The following ROR2 variants were observed in gnomAD, a reference collection of about 807,000 sequenced individuals.
ROR2 encodes tyrosine-protein kinase transmembrane receptor ROR2.
In ROR2, 33 loss-of-function variants were observed where a neutral mutation model predicts 74.9. The ratio of observed to expected loss-of-function variants is 0.44; its 90% confidence interval spans 0.33 to 0.59. ROR2 has a LOEUF of 0.59. Ranked by LOEUF, ROR2 falls within the 20% of genes least tolerant of loss-of-function variation. ROR2 has a pLI of 0.02. For synonymous variants in ROR2, 586 were observed against 558.7 expected (o/e 1.05, Z -0.69); for missense variants, 1,216 against 1,313.8 (o/e 0.93, Z 1.15).
rs74494753 is a variant in ROR2 at position 91,858,101 on chromosome 9, C to T, written c.98-82283G>A. 9.1e-3 allele frequency among the ~76,000 whole-genome samples: 1,393 copies of T among 152,270 alleles called. 25 individuals carry two copies. The highest frequency in any genetic ancestry group is 0.032 in the African/African-American group (1,314 of 41,558). On this transcript the variant is annotated intron_variant, in intron 1 of 8. Coordinates refer to ENST00000375708, the MANE Select transcript of ROR2 (RefSeq NM_004560.4). ...AACAAAGGTTGGCCATGGCCTGCTC[C>T]ACTGAAGCACCTGGGGAACAAAGAC...
intron 2 of ROR2, among the ~76,000 whole-genome samples, chr9:91,761,522 T>G (rs80147245): frequency 0.042 from 6,456 of 152,116 alleles, 285 homozygotes; most frequent in East Asian, 0.16. Flanking sequence ...GGGTTTGAGC[T>G]CCTATGAGAA....
intron 2 of ROR2, among the ~76,000 whole-genome samples, chr9:91,758,009 T>G (rs1343511315): frequency 6.6e-6 from 1 of 152,152 alleles, no homozygotes; most frequent in Admixed American, 6.5e-5. Flanking sequence ...CCAGACCACT[T>G]CAGTGCTGTG....
chr9:91,755,753 T>TA (rs1374740244), intron 4 of ROR2, among the ~76,000 whole-genome samples: 4 of 152,366 alleles, frequency 2.6e-5, no homozygotes, highest in African/African-American at 9.6e-5. Flanking sequence ...CCCAATGTCC[T>TA]AATGAGCCGG....
At chr9:91,844,084 G>A (rs186189008) in intron 1 of ROR2, among the ~76,000 whole-genome samples, 4 of 152,314 alleles carry the variant, frequency 2.6e-5, no homozygotes, top group African/African-American at 7.2e-5. Flanking sequence ...CATCAAACGC[G>A]GAGCTGCACA....
chr9:91,828,574 C>T (rs1373310901), intron 1 of ROR2, among the ~76,000 whole-genome samples: 2 of 152,006 alleles, frequency 1.3e-5, no homozygotes, highest in African/African-American at 4.8e-5. Context: ...ATTAGCTTGG[C>T]GTGGTAGTGC....
chr9:91,909,522 T>G (rs1830900383), intron 1 of ROR2, among the ~76,000 whole-genome samples: 1 of 151,412 alleles, frequency 6.6e-6, no homozygotes, highest in African/African-American at 2.4e-5. Flanking sequence ...AATTTTTTTT[T>G]TTTTTTTTTG....
chr9:91,879,781 C>T (rs1233422988), intron 1 of ROR2, among the ~76,000 whole-genome samples: 1 of 152,030 alleles, frequency 6.6e-6, no homozygotes, highest in African/African-American at 2.4e-5. Flanking sequence ...AACACCTCAT[C>T]GTGTATCTAG....
intron 1 of ROR2, among the ~76,000 whole-genome samples, chr9:91,899,885 T>C (rs1253382973): frequency 6.6e-6 from 1 of 152,032 alleles, no homozygotes; most frequent in Non-Finnish European, 1.5e-5. Context: ...TACACACACA[T>C]ACACATTACA....
intron 2 of ROR2, among the ~76,000 whole-genome samples, chr9:91,774,555 A>C (rs575385641): frequency 6.6e-6 from 1 of 152,296 alleles, no homozygotes; most frequent in South Asian, 2.1e-4. Context: ...CCTGCTCCCC[A>C]AACAGAAAGC....
At chr9:91,749,444 C>T (rs1051762067) in intron 4 of ROR2, among the ~76,000 whole-genome samples, 1 of 152,168 alleles carries the variant, frequency 6.6e-6, no homozygotes, top group Admixed American at 6.5e-5. Flanking sequence ...TGGATCAGGG[C>T]TCCACCCTTA....
chr9:91,836,731 T>C (rs949978385), intron 1 of ROR2, among the ~76,000 whole-genome samples: 8 of 152,214 alleles, frequency 5.3e-5, no homozygotes, highest in African/African-American at 1.9e-4. Context: ...CACAGGATCC[T>C]GCATTGGGGC....
At chr9:91,742,912 G>C (rs1825296518) in intron 4 of ROR2, among the ~76,000 whole-genome samples, 1 of 152,064 alleles carries the variant, frequency 6.6e-6, no homozygotes, top group East Asian at 1.9e-4. Context: ...CTGTACCTTT[G>C]CTGTGTTTAG....
intron 4 of ROR2, among the ~76,000 whole-genome samples, chr9:91,740,417 T>C (rs905126373): frequency 6.6e-6 from 1 of 151,802 alleles, no homozygotes; most frequent in Non-Finnish European, 1.5e-5. Context: ...CCAGGCGTAG[T>C]GGTGGGTACC....
Position 91,733,553 on chromosome 9 carries a change from G to T in ROR2, c.623-117C>A. ...TGCCCACTCAGCCCCCTGATGCCCC[G>T]CCCCGCCCCAGACTCCCCAACCCCG... On this transcript the variant is annotated intron_variant, in intron 5 of 8. Coordinates refer to ENST00000375708, the MANE Select transcript of ROR2 (RefSeq NM_004560.4). The surrounding 1 kb of genome is among the most constrained non-coding windows in gnomAD (Gnocchi z 5.7). 2.9e-6 allele frequency: 3 copies of T among 1,038,472 alleles called. No homozygotes were observed. The highest frequency in any genetic ancestry group is 3.9e-6 in the Non-Finnish European group (3 of 769,558). 64.3% of individuals were successfully genotyped at this position (1,038,472 alleles called of 1,614,324 possible). A position where few individuals can be genotyped will look rare whatever the true frequency, so the allele number is the denominator to read the frequency against.
chr9:91,754,095 G>A (rs4595185), intron 4 of ROR2, among the ~76,000 whole-genome samples: 98,479 of 151,842 alleles, frequency 0.65, 32,078 homozygotes, highest in African/African-American at 0.71. Flanking sequence ...GAGGTCAGGC[G>A]GGACTTTCCG....
rs931643837 is a variant in ROR2 at position 91,861,437 on chromosome 9, G to A, written c.98-85619C>T. ...CAGATCTACAGATGAGTGGAATGGAGGTCCAGAAATAAACCCTCACATTTA... is the reference window on the plus strand; with the variant it reads ...CAGATCTACAGATGAGTGGAATGGAAGTCCAGAAATAAACCCTCACATTTA... On this transcript the variant is annotated intron_variant, in intron 1 of 8. Coordinates refer to ENST00000375708, the MANE Select transcript of ROR2 (RefSeq NM_004560.4). Among the ~76,000 whole-genome samples the A allele has an allele frequency of 2.6e-4, 39 of 152,182 alleles. 1 individual carries two copies. The highest frequency in any genetic ancestry group is 7.3e-5 in the Non-Finnish European group (5 of 68,028).
At chr9:91,792,446 C>T (rs964455047) in intron 1 of ROR2, among the ~76,000 whole-genome samples, 6 of 151,966 alleles carry the variant, frequency 3.9e-5, no homozygotes, top group Admixed American at 3.9e-4. Flanking sequence ...GTAGCTGGGA[C>T]TACAGGCGCC....
At chr9:91,764,561 C>CAT (rs1162486506) in intron 2 of ROR2, among the ~76,000 whole-genome samples, 1 of 144,430 alleles carries the variant, frequency 6.9e-6, no homozygotes, top group African/African-American at 2.5e-5. Context: ...TAATCACTTA[C>CAT]ACACACACAC....
At chr9:91,852,936 G>A (rs1587784401) in intron 1 of ROR2, among the ~76,000 whole-genome samples, 2 of 152,224 alleles carry the variant, frequency 1.3e-5, no homozygotes, top group South Asian at 2.1e-4. Flanking sequence ...CCCCTCCTGC[G>A]TTCGCCACCT....
Sources: allele counts gnomAD v4.1 joint callset (sites outside exome capture counted in the v4.1 genomes callset), GRCh38; gene constraint gnomAD v4.1.1; non-coding constraint Gnocchi (gnomAD v3.1); transcripts MANE v1.5; gene names NCBI Gene and HGNC (gene_info 2026-07-23, HGNC 2026-07-21).